CHODL: variants seen among roughly 807,000 people sequenced by gnomAD.
CHODL encodes transmembrane protein MT75.
CHODL carries 29 observed loss-of-function variants against 34.5 expected under a neutral mutation model. That is an observed-to-expected ratio of 0.84 (90% confidence interval 0.63 to 1.15). The LOEUF is 1.15. Among genes scored for constraint, CHODL ranks in the 50% most tolerant of loss-of-function variants. The pLI, the probability that CHODL is intolerant of heterozygous loss-of-function variation, is 0.00. For synonymous variants in CHODL, 125 were observed against 116.1 expected (o/e 1.08, Z -0.49); for missense variants, 332 against 332.5 (o/e 1.00, Z 0.01).
At chr21:18,013,292 A>T (rs2064036007) in intron 1 of CHODL, among the ~76,000 whole-genome samples, 1 of 108,132 alleles carries the variant, frequency 9.2e-6, no homozygotes, top group Non-Finnish European at 1.7e-5. Flanking sequence ...CCAAAATAAG[A>T]CAATTTTTTT....
At chr21:17,992,671 A>G (rs940732088) in intron 1 of CHODL, among the ~76,000 whole-genome samples, 4 of 140,700 alleles carry the variant, frequency 2.8e-5, no homozygotes, top group African/African-American at 8.0e-5. Context: ...TGTGTCCTAC[A>G]ACTTTCTTGA....
At chr21:18,011,165 C>T (rs1227655997) in intron 1 of CHODL, among the ~76,000 whole-genome samples, 1 of 152,136 alleles carries the variant, frequency 6.6e-6, no homozygotes, top group Admixed American at 6.5e-5. Flanking sequence ...TAGAAACACA[C>T]TATTATATGT....
At chr21:18,252,285 G>A (rs897534495) in intron 1 of CHODL, among the ~76,000 whole-genome samples, 1 of 152,184 alleles carries the variant, frequency 6.6e-6, no homozygotes, top group South Asian at 2.1e-4. Context: ...AATGTTGATG[G>A]AAGATTTTAT....
chr21:18,087,773 G>C (rs1373936960), intron 2 of CHODL, among the ~76,000 whole-genome samples: 1 of 152,180 alleles, frequency 6.6e-6, no homozygotes, highest in Non-Finnish European at 1.5e-5. Context: ...TATTATCCTA[G>C]ATGTGTTTAG....
rs117177518 is a variant in CHODL, at chr21:18,016,972, T to G, written c.-144-10900T>G. ...CATTGTTTTGGCCAATTTATCCCAT[T>G]TGGAAGAGGAGCATTTACTTAATGT... On this transcript the variant is annotated intron_variant, in intron 1 of 6. Coordinates refer to the CHODL transcript ENST00000400127. Among the ~76,000 whole-genome samples, 19 of 152,362 alleles carry G rather than the reference T, an allele frequency of 1.2e-4. No individual in the cohort carries two copies. In the East Asian group the frequency reaches 3.7e-3, roughly 29 times the overall value.
At chr21:18,051,281 A>C (rs1330274656) in intron 2 of CHODL, among the ~76,000 whole-genome samples, 1 of 151,828 alleles carries the variant, frequency 6.6e-6, no homozygotes, top group Non-Finnish European at 1.5e-5. Flanking sequence ...ATGGATGCAT[A>C]TTATTCCATG....
chr21:17,950,778 T>C (rs2063450821), intron 1 of CHODL, among the ~76,000 whole-genome samples: 1 of 152,062 alleles, frequency 6.6e-6, no homozygotes, highest in East Asian at 1.9e-4. Context: ...AGAGCCCCAA[T>C]TGCCAAGTAA....
intron 1 of CHODL, among the ~76,000 whole-genome samples, chr21:17,996,673 G>T (rs1031268450): frequency 1.3e-5 from 2 of 152,180 alleles, no homozygotes; most frequent in South Asian, 2.1e-4. Flanking sequence ...TAGTAGAGGG[G>T]CTAAGTGTTT....
At chr21:18,191,195 A>T (rs1250053366) in intron 2 of CHODL, among the ~76,000 whole-genome samples, 1 of 152,196 alleles carries the variant, frequency 6.6e-6, no homozygotes, top group African/African-American at 2.4e-5. Context: ...AGGGTGATTT[A>T]AAAACTCTAG....
intron 2 of CHODL, 66 bp downstream of exon 2, chr21:18,256,884 G>A: frequency 6.3e-7 from 1 of 1,583,982 alleles, no homozygotes; most frequent in Non-Finnish European, 8.6e-7. Context: ...GGAGGACTCT[G>A]TTACCTGTAG....
chr21:18,116,703 A>G (rs1057432847), intron 2 of CHODL, among the ~76,000 whole-genome samples: 14 of 152,178 alleles, frequency 9.2e-5, no homozygotes, highest in African/African-American at 3.4e-4. Flanking sequence ...AGCACCATCT[A>G]AGTGCCACCA....
intron 1 of CHODL, among the ~76,000 whole-genome samples, chr21:17,938,493 T>TTTG (rs1568806953): frequency 1.9e-5 from 1 of 54,032 alleles, no homozygotes; most frequent in Non-Finnish European, 3.1e-5. Context: ...TTTTTTTTTT[T>TTTG]AAGGAAAGGG....
chr21:18,004,468 T>C (rs2063941325), intron 1 of CHODL, among the ~76,000 whole-genome samples: 1 of 152,242 alleles, frequency 6.6e-6, no homozygotes, highest in South Asian at 2.1e-4. Context: ...GTGATGTGAA[T>C]ATTTTGCTTG....
At chr21:17,983,420 G>T (rs1002956813) in intron 1 of CHODL, among the ~76,000 whole-genome samples, 1 of 152,132 alleles carries the variant, frequency 6.6e-6, no homozygotes, top group African/African-American at 2.4e-5. Flanking sequence ...CTAATTAGGG[G>T]CTATGTATTT....
At chr21:18,215,824 A>G (rs905324396) in intron 2 of CHODL, among the ~76,000 whole-genome samples, 8 of 152,282 alleles carry the variant, frequency 5.3e-5, no homozygotes, top group South Asian at 4.1e-4. Flanking sequence ...ACTTCTATCT[A>G]TGAGTTTACT....
At position 17,969,045 on chromosome 21, in the gene CHODL, A is replaced by G. The variant is rs183327047; in HGVS notation, c.-145+51645A>G. On this transcript the variant is annotated intron_variant, in intron 1 of 6. Coordinates refer to the CHODL transcript ENST00000400127. Reference sequence around the variant, plus strand: ...AAGTTCCTTTTAAGAATATCAATTTATTATTTTACTCAACATGACTAAATG... The same window carrying G: ...AAGTTCCTTTTAAGAATATCAATTTGTTATTTTACTCAACATGACTAAATG... Among the ~76,000 whole-genome samples, 273 of 152,316 alleles carry G rather than the reference A, an allele frequency of 1.8e-3. 1 individual carries two copies. The highest frequency in any genetic ancestry group is 3.4e-3 in the Non-Finnish European group (234 of 68,026).
chr21:18,193,710 A>T (rs557643985), intron 2 of CHODL, among the ~76,000 whole-genome samples: 6 of 143,238 alleles, frequency 4.2e-5, no homozygotes, highest in African/African-American at 1.6e-4. Flanking sequence ...AAAAAAAAAA[A>T]TAAAATAAAT....
At chr21:18,001,653 T>C (rs2063907334) in intron 1 of CHODL, among the ~76,000 whole-genome samples, 1 of 152,100 alleles carries the variant, frequency 6.6e-6, no homozygotes, top group Admixed American at 6.5e-5. Context: ...TTAAAAAGCC[T>C]AGGTAAGGAA....
At chr21:17,972,178 C>A (rs558736379) in intron 1 of CHODL, among the ~76,000 whole-genome samples, 1 of 152,190 alleles carries the variant, frequency 6.6e-6, no homozygotes, top group South Asian at 2.1e-4. Context: ...TATGACAAAC[C>A]CATATCATAA....
Sources: gnomAD v4.1 joint callset for allele counts (sites outside exome capture counted in the v4.1 genomes callset) on GRCh38, gnomAD v4.1.1 for gene constraint, MANE v1.5 for transcripts, NCBI Gene and HGNC (gene_info 2026-07-23, HGNC 2026-07-21) for gene names.